Variants in SKAP1 observed in about 807,000 individuals in gnomAD.
The protein encoded by SKAP1 is src kinase-associated phosphoprotein 1.
In SKAP1, 44 loss-of-function variants were observed where a neutral mutation model predicts 58.5. The observed-to-expected ratio is 0.75, with a 90% CI of 0.59 to 0.97. The LOEUF (loss-of-function observed/expected upper bound fraction) is 0.97, where lower values mean the gene tolerates loss of function less well. Among genes scored for constraint, SKAP1 ranks in the 50% least tolerant of loss-of-function variants. The pLI, the probability that SKAP1 is intolerant of heterozygous loss-of-function variation, is 0.00. For missense variants in SKAP1, 390 were observed against 435.2 expected (o/e 0.90, Z 0.92); for synonymous variants, 127 against 149.7 (o/e 0.85, Z 1.11).
intron 4 of SKAP1, 35 bp downstream of exon 4, chr17:48,345,870 G>A: frequency 7.1e-7 from 1 of 1,411,056 alleles, no homozygotes; most frequent in Non-Finnish European, 1.0e-6. Context: ...AATGAAGTAT[G>A]GTAGTCACCC....
intron 4 of SKAP1, among the ~76,000 whole-genome samples, chr17:48,323,963 T>C (rs2066399933): frequency 1.3e-5 from 2 of 152,112 alleles, no homozygotes; most frequent in Admixed American, 6.6e-5. Flanking sequence ...CACATTCTCA[T>C]GTTATTGTGG....
intron 9 of SKAP1, among the ~76,000 whole-genome samples, chr17:48,172,831 T>C (rs1354542577): frequency 6.6e-6 from 1 of 152,070 alleles, no homozygotes; most frequent in Non-Finnish European, 1.5e-5. Flanking sequence ...AGCATAAAAA[T>C]ATATTAGAAT....
chr17:48,378,258 T>C (rs1180405567), intron 2 of SKAP1, among the ~76,000 whole-genome samples: 2 of 152,184 alleles, frequency 1.3e-5, no homozygotes, highest in Admixed American at 6.5e-5. Context: ...GGAATGAGCA[T>C]GAAGAGCAAA....
chr17:48,363,888 C>G, intron 2 of SKAP1, 74 bp from the exon 3 acceptor site: 1 of 1,221,454 alleles, frequency 8.2e-7, no homozygotes, highest in South Asian at 1.5e-5. Context: ...CCTACCATAG[C>G]TATAGCACCT....
chr17:48,368,355 A>C (rs1267595381), intron 2 of SKAP1, among the ~76,000 whole-genome samples: 1 of 152,202 alleles, frequency 6.6e-6, no homozygotes, highest in African/African-American at 2.4e-5. Flanking sequence ...TCCAATTCTT[A>C]CCCTTTTTCT....
intron 7 of SKAP1, among the ~76,000 whole-genome samples, chr17:48,182,973 T>G (rs2064390472): frequency 6.6e-6 from 1 of 152,204 alleles, no homozygotes; most frequent in Non-Finnish European, 1.5e-5. Flanking sequence ...CAGGCCTATG[T>G]GCAAAAGAAC....
In SKAP1 at chr17:48,342,456, G is replaced by A. The variant is rs372059284; in HGVS notation, c.280+3449C>T. 1.5e-3 allele frequency among the ~76,000 whole-genome samples: 193 copies of A among 126,908 alleles called. 3 individuals are homozygous for A. The South Asian group carries it at 0.042, about 28-fold the overall frequency. 83.3% of individuals were successfully genotyped at this position (126,908 alleles called of 152,430 possible). A position where few individuals can be genotyped will look rare whatever the true frequency, so the allele number is the denominator to read the frequency against. On this transcript the variant is annotated intron_variant, in intron 4 of 12. Coordinates refer to ENST00000336915, the MANE Select transcript of SKAP1 (RefSeq NM_003726.4). ...CTCTTTGTAGTTTTCACAAAGTCAT[G>A]ACCTAAACACAATATGCAGCATGCT...
At chr17:48,271,237 C>T (rs113305529) in intron 4 of SKAP1, among the ~76,000 whole-genome samples, 8 of 151,984 alleles carry the variant, frequency 5.3e-5, no homozygotes, top group Non-Finnish European at 8.8e-5. Context: ...CTATTATAAC[C>T]ATATTACGAG....
intron 11 of SKAP1, among the ~76,000 whole-genome samples, chr17:48,153,316 C>T (rs980226662): frequency 6.6e-6 from 1 of 152,086 alleles, no homozygotes; most frequent in Non-Finnish European, 1.5e-5. Context: ...ATGGGTGTCC[C>T]CTCATTTATA....
At chr17:48,442,785 T>A in the SKAP1 span, among the ~76,000 whole-genome samples, 1 of 152,210 alleles carries the variant, frequency 6.6e-6, no homozygotes, top group Admixed American at 6.5e-5. Context: ...CTTGCAACCC[T>A]CTGGTTTTAC....
intron 4 of SKAP1, among the ~76,000 whole-genome samples, chr17:48,316,935 C>A (rs1217177411): frequency 6.6e-6 from 1 of 152,164 alleles, no homozygotes; most frequent in African/African-American, 2.4e-5. Flanking sequence ...CCCCTAGTAG[C>A]CTTTGTGGAA....
intron 4 of SKAP1, among the ~76,000 whole-genome samples, chr17:48,200,339 T>A (rs2064711807): frequency 6.6e-6 from 1 of 151,918 alleles, no homozygotes; most frequent in Non-Finnish European, 1.5e-5. Context: ...AACATGTGAA[T>A]AGCTGAGCTC....
At chr17:48,351,385 T>C (rs781069513) in intron 3 of SKAP1, among the ~76,000 whole-genome samples, 10 of 152,216 alleles carry the variant, frequency 6.6e-5, no homozygotes, top group Non-Finnish European at 1.2e-4. Context: ...AGTGAAGGAC[T>C]CAAATTCTTC....
chr17:48,187,844 C>T lies in SKAP1; in HGVS notation c.441G>A (p.Lys147=). Reference sequence around the variant, plus strand: ...GCTGTGTAAATGAAGAACACTTACTCTTCTCATTAGCATAGTAGTAGAAGA... The same window carrying T: ...GCTGTGTAAATGAAGAACACTTACTTTTCTCATTAGCATAGTAGTAGAAGA... ...RGLFYYYANE[K]SKQPKGTFLI... Residue 147 remains lysine, a splice_region_variant and synonymous_variant, in exon 6 of 13, where the codon AAG becomes AAA. Transcript: ENST00000336915. The T allele has an allele frequency of 6.2e-7, 1 of 1,605,840 alleles. No individual in the cohort carries two copies. Among genetic ancestry groups the T allele is most frequent in the Non-Finnish European group, 8.5e-7 (1 of 1,172,722 alleles).
chr17:48,216,644 A>G (rs1297114466), intron 4 of SKAP1, among the ~76,000 whole-genome samples: 1 of 152,024 alleles, frequency 6.6e-6, no homozygotes, highest in Non-Finnish European at 1.5e-5. Flanking sequence ...GGTGCACACC[A>G]TCATGCCAGG....
intron 8 of SKAP1, among the ~76,000 whole-genome samples, chr17:48,180,866 T>C (rs994834240): frequency 2.0e-5 from 3 of 152,202 alleles, no homozygotes; most frequent in African/African-American, 7.2e-5. Flanking sequence ...CTTTTGCAAC[T>C]GCACAGTCTA....
intron 4 of SKAP1, among the ~76,000 whole-genome samples, chr17:48,211,680 T>C (rs1202952712): frequency 6.6e-6 from 1 of 152,226 alleles, no homozygotes; most frequent in Non-Finnish European, 1.5e-5. Flanking sequence ...ATCCATAAAT[T>C]CATTTATCCA....
At chr17:48,300,249 A>T (rs1003638040) in intron 4 of SKAP1, among the ~76,000 whole-genome samples, 9 of 152,162 alleles carry the variant, frequency 5.9e-5, no homozygotes, top group South Asian at 2.1e-4. Flanking sequence ...TTGACAGTAG[A>T]AGACAGGGAG....
At chr17:48,180,973 T>C (rs1459542121) in intron 8 of SKAP1, among the ~76,000 whole-genome samples, 3 of 152,054 alleles carry the variant, frequency 2.0e-5, no homozygotes, top group African/African-American at 7.2e-5. Flanking sequence ...TTTATTTTAA[T>C]GGGGAACTGA....
Sources: gnomAD v4.1 joint callset for allele counts (sites outside exome capture counted in the v4.1 genomes callset) on GRCh38, gnomAD v4.1.1 for gene constraint, MANE v1.5 for transcripts, NCBI Gene and HGNC (gene_info 2026-07-23, HGNC 2026-07-21) for gene names.